The following TRAPPC9 variants were observed in gnomAD, a reference collection of about 807,000 sequenced individuals.
TRAPPC9 encodes trafficking protein particle complex subunit 9, also known as IKK2 binding protein.
A neutral mutation model predicts 124.0 loss-of-function variants in TRAPPC9; 83 were observed. That is an observed-to-expected ratio of 0.67 (90% CI 0.56 to 0.80). TRAPPC9 has a LOEUF of 0.80. TRAPPC9 is among the 30% of genes least tolerant of loss of function. The probability of loss-of-function intolerance (pLI) is 0.00; values close to 1 mark genes in which losing one functional copy is unlikely to be tolerated. For synonymous variants in TRAPPC9, 638 were observed against 617.5 expected (o/e 1.03, Z -0.49); for missense variants, 1,302 against 1,508.3 (o/e 0.86, Z 2.27).
intron 16 of TRAPPC9, among the ~76,000 whole-genome samples, chr8:140,235,705 C>G (rs1290702564): frequency 6.6e-6 from 1 of 152,144 alleles, no homozygotes; most frequent in Non-Finnish European, 1.5e-5. Flanking sequence ...ACAGAAATCC[C>G]AAGAACCACT....
intron 18 of TRAPPC9, among the ~76,000 whole-genome samples, chr8:140,020,241 A>T (rs6578058): frequency 0.45 from 67,866 of 152,030 alleles, 16,353 homozygotes; most frequent in Middle Eastern, 0.63. Context: ...TATAGCACTG[A>T]TATCCACTCT....
At chr8:139,877,464 A>G (rs967354707) in intron 21 of TRAPPC9, among the ~76,000 whole-genome samples, 4 of 152,158 alleles carry the variant, frequency 2.6e-5, no homozygotes, top group African/African-American at 9.7e-5. Context: ...TCATGGGCTG[A>G]GACGGAGGGG....
chr8:139,873,514 A>G (rs1249084034), intron 21 of TRAPPC9, among the ~76,000 whole-genome samples: 1 of 152,080 alleles, frequency 6.6e-6, no homozygotes, highest in African/African-American at 2.4e-5. Flanking sequence ...CCTCAGTGCC[A>G]TGCCCTGCTC....
rs185609348 is a variant in TRAPPC9, at chr8:140,182,199, C to T, written c.2556+39260G>A. Among the ~76,000 whole-genome samples the T allele has an allele frequency of 5.3e-5, 8 of 152,280 alleles. No individual in the cohort carries two copies. The East Asian group carries it at 1.5e-3, about 29-fold the overall frequency. On this transcript the variant is annotated intron_variant, in intron 17 of 22. Transcript: ENST00000438773. The surrounding 1 kb of genome is among the most constrained non-coding windows in gnomAD (Gnocchi z 4.0). The stretch of plus-strand genomic sequence containing the variant: ...TTGCTTCAGGTACCCGGAAATCTTG[C>T]TTTCCAGTGCATACATTTATCCAAA...
chr8:139,984,582 G>A lies in TRAPPC9; in HGVS notation c.2810+4144C>T, dbSNP rs1837123174. ...ACAAAGCCTGGAAGGACAGGGACCA[G>A]GTCTGAGGTCTGTAAGGTGCTGTCC... On this transcript the variant is annotated intron_variant, in intron 19 of 22. Coordinates refer to ENST00000438773, the MANE Select transcript of TRAPPC9 (RefSeq NM_001160372.4). The surrounding 1 kb of genome is among the most constrained non-coding windows in gnomAD (Gnocchi z 4.3). 6.6e-6 allele frequency among the ~76,000 whole-genome samples: 1 copy of A among 152,186 alleles called. No homozygotes were observed.
chr8:139,917,243 G>A (rs1315067796), intron 19 of TRAPPC9, among the ~76,000 whole-genome samples: 10 of 143,936 alleles, frequency 6.9e-5, no homozygotes, highest in Non-Finnish European at 1.2e-4. Context: ...GCGCGATCTC[G>A]GCTTACTGCA....
rs1461692495 is a variant in TRAPPC9, at chr8:140,063,383, C to T, written c.2557-39304G>A. Among the ~76,000 whole-genome samples the T allele has an allele frequency of 6.6e-6, 1 of 152,170 alleles. No individual in the cohort carries two copies. Among genetic ancestry groups the T allele is most frequent in the African/African-American group, 2.4e-5 (1 of 41,446 alleles). On this transcript the variant is annotated intron_variant, in intron 17 of 22. Coordinates refer to ENST00000438773, the MANE Select transcript of TRAPPC9 (RefSeq NM_001160372.4). The surrounding 1 kb of genome is among the most constrained non-coding windows in gnomAD (Gnocchi z 4.3). ...CGTACCTTTCACGAGCCAGGTAACA[C>T]GGTACTCACTTTGAGAAATAATCCT...
chr8:139,737,404 G>A (rs1383255164), intron 21 of TRAPPC9, among the ~76,000 whole-genome samples: 1 of 138,486 alleles, frequency 7.2e-6, no homozygotes, highest in African/African-American at 2.7e-5. Context: ...CCCCTCCCTC[G>A]GCCGCTCCTC....
chr8:139,827,631 G>A (rs1825728828), intron 21 of TRAPPC9, among the ~76,000 whole-genome samples: 5 of 152,340 alleles, frequency 3.3e-5, no homozygotes, highest in African/African-American at 7.2e-5. Flanking sequence ...GTGCCCGCAC[G>A]TGACTGATAA....
intron 17 of TRAPPC9, among the ~76,000 whole-genome samples, chr8:140,072,848 A>G (rs534814953): frequency 6.6e-6 from 1 of 152,312 alleles, no homozygotes; most frequent in South Asian, 2.1e-4. Context: ...AATATTCAAG[A>G]ACTCCTACGA....
rs548837166 is a variant in TRAPPC9, at chr8:139,958,068, T to A, written c.2810+30658A>T. The stretch of plus-strand genomic sequence containing the variant: ...CCAGCCAGACCCCTTGTGGGTCAGA[T>A]GCCAATCATGCGCGAGTCAGTTGGT... On this transcript the variant is annotated intron_variant, in intron 19 of 22. Transcript: ENST00000438773. Among the ~76,000 whole-genome samples the A allele has an allele frequency of 5.9e-5, 9 of 152,180 alleles. 1 individual carries two copies. The highest frequency in any genetic ancestry group is 8.8e-5 in the Non-Finnish European group (6 of 68,020).
At chr8:140,297,602 C>A (rs1293299417) in intron 11 of TRAPPC9, among the ~76,000 whole-genome samples, 1 of 152,236 alleles carries the variant, frequency 6.6e-6, no homozygotes, top group Non-Finnish European at 1.5e-5. Context: ...ACAGCTGGAG[C>A]CACTCCTTGC....
At chr8:139,847,922 C>T (rs1418564163) in intron 21 of TRAPPC9, among the ~76,000 whole-genome samples, 1 of 152,232 alleles carries the variant, frequency 6.6e-6, no homozygotes, top group Non-Finnish European at 1.5e-5. Flanking sequence ...CCAAAGCCTC[C>T]GCTCCCTGCC....
At chr8:140,050,143 C>T (rs1294489324) in intron 17 of TRAPPC9, among the ~76,000 whole-genome samples, 1 of 152,152 alleles carries the variant, frequency 6.6e-6, no homozygotes, top group African/African-American at 2.4e-5. Flanking sequence ...CATGAGCTAG[C>T]GAGAGGATTC....
chr8:139,737,633 C>T (rs975689520), intron 21 of TRAPPC9, among the ~76,000 whole-genome samples: 2 of 152,240 alleles, frequency 1.3e-5, no homozygotes, highest in Non-Finnish European at 2.9e-5. Context: ...CTTCCCTCTC[C>T]CAGGCGGGAT....
At chr8:140,454,722 T>G (rs796347484) in intron 1 of TRAPPC9, among the ~76,000 whole-genome samples, 12 of 149,522 alleles carry the variant, frequency 8.0e-5, no homozygotes, top group African/African-American at 3.0e-4. Context: ...GTGGATCGCC[T>G]GAGGTCAGGA....
intron 17 of TRAPPC9, among the ~76,000 whole-genome samples, chr8:140,186,770 GGA>G (rs1328278099): frequency 6.6e-6 from 1 of 152,114 alleles, no homozygotes; most frequent in Non-Finnish European, 1.5e-5. Flanking sequence ...AGTGTGAGTG[GGA>G]ATGTACAGCT....
intron 15 of TRAPPC9, among the ~76,000 whole-genome samples, chr8:140,261,610 A>G (rs538662809): frequency 4.6e-5 from 7 of 152,244 alleles, no homozygotes; most frequent in Non-Finnish European, 7.3e-5. Context: ...CCAGACCTCT[A>G]TAAAATATCT....
At chr8:139,977,978 G>A (rs892225055) in intron 19 of TRAPPC9, among the ~76,000 whole-genome samples, 1 of 152,052 alleles carries the variant, frequency 6.6e-6, no homozygotes, top group Admixed American at 6.5e-5. Flanking sequence ...ACCGCACCCA[G>A]CCTCCTACTC....
Sources: gnomAD v4.1 joint callset for allele counts (sites outside exome capture counted in the v4.1 genomes callset) on GRCh38, gnomAD v4.1.1 for gene constraint, Gnocchi (gnomAD v3.1) non-coding constraint, MANE v1.5 for transcripts, NCBI Gene and HGNC (gene_info 2026-07-23, HGNC 2026-07-21) for gene names.